NTNG1: variants seen among roughly 807,000 people sequenced by gnomAD.
NTNG1 encodes the protein netrin-G1.
A neutral mutation model predicts 54.0 loss-of-function variants in NTNG1; 16 were observed. That is an observed-to-expected ratio of 0.30 (90% CI 0.20 to 0.45). NTNG1 has a LOEUF of 0.45. NTNG1 is among the 20% of genes least tolerant of loss of function. The pLI is 1.00. For synonymous variants in NTNG1, 255 were observed against 263.1 expected, an observed-to-expected ratio of 0.97 and a Z score of 0.30; for missense variants, 530 against 678.7, an observed-to-expected ratio of 0.78 and a Z score of 2.43.
At chr1:107,146,497 C>T (rs1218613309) in intron 1 of NTNG1, among the ~76,000 whole-genome samples, 3 of 151,944 alleles carry the variant, frequency 2.0e-5, no homozygotes, top group South Asian at 4.1e-4. Context: ...GCTATAGTAG[C>T]CACAACACAT....
chr1:107,399,577 C>G (rs562660329), intron 4 of NTNG1, among the ~76,000 whole-genome samples: 1 of 152,222 alleles, frequency 6.6e-6, no homozygotes, highest in African/African-American at 2.4e-5. Flanking sequence ...TGTCCTTATC[C>G]AGACAATTTC....
chr1:107,365,198 A>G (rs924291447), intron 3 of NTNG1, among the ~76,000 whole-genome samples: 6 of 152,168 alleles, frequency 3.9e-5, no homozygotes, highest in African/African-American at 1.4e-4. Context: ...ATGGTTTTGG[A>G]CTATGGAGCA....
At chr1:107,361,159 T>C (rs1362302177) in intron 3 of NTNG1, among the ~76,000 whole-genome samples, 2 of 144,622 alleles carry the variant, frequency 1.4e-5, no homozygotes, top group East Asian at 3.9e-4. Context: ...ATATTTCTTA[T>C]ATAAAATATA....
intron 2 of NTNG1, among the ~76,000 whole-genome samples, chr1:107,240,303 C>T (rs1448683993): frequency 1.4e-5 from 2 of 147,582 alleles, no homozygotes; most frequent in South Asian, 2.1e-4. Context: ...TTACACATTA[C>T]GATATTTAGT....
chr1:107,354,913 C>T (rs1669848038), intron 3 of NTNG1, among the ~76,000 whole-genome samples: 1 of 152,102 alleles, frequency 6.6e-6, no homozygotes, highest in Non-Finnish European at 1.5e-5. Flanking sequence ...ATGGGTTTGA[C>T]ATTATATACC....
intron 2 of NTNG1, among the ~76,000 whole-genome samples, chr1:107,220,218 G>A (rs935083398): frequency 1.3e-5 from 2 of 152,208 alleles, no homozygotes; most frequent in African/African-American, 2.4e-5. Context: ...TCCGCCAACA[G>A]CACTGAGTTT....
At chr1:107,166,797 C>T (rs1296651176) in intron 2 of NTNG1, among the ~76,000 whole-genome samples, 1 of 152,014 alleles carries the variant, frequency 6.6e-6, no homozygotes, top group Non-Finnish European at 1.5e-5. Context: ...TGACCCTGGC[C>T]TTTGCCTATC....
At chr1:107,326,831 T>C (rs1230857725) in intron 3 of NTNG1, among the ~76,000 whole-genome samples, 1 of 152,156 alleles carries the variant, frequency 6.6e-6, no homozygotes, top group Admixed American at 6.6e-5. Flanking sequence ...TTAGTATTCA[T>C]TTTGTTTCCT....
chr1:107,171,916 GTTTTTTA>G (rs1656274515), intron 2 of NTNG1, among the ~76,000 whole-genome samples: 1 of 151,678 alleles, frequency 6.6e-6, no homozygotes, highest in Non-Finnish European at 1.5e-5. Flanking sequence ...GTTTTCCTTG[GTTTTTTA>G]TTTTTTATTT....
chr1:107,296,750 G>A (rs991028858), intron 2 of NTNG1, among the ~76,000 whole-genome samples: 2 of 146,816 alleles, frequency 1.4e-5, no homozygotes, highest in East Asian at 3.9e-4. Context: ...AATTATATAT[G>A]TATCATTCCA....
At chr1:107,345,659 TCACC>T (rs900625703) in intron 3 of NTNG1, among the ~76,000 whole-genome samples, 7 of 152,184 alleles carry the variant, frequency 4.6e-5, no homozygotes, top group Non-Finnish European at 8.8e-5. Flanking sequence ...AGTCTGAATG[TCACC>T]CACTGTATTT....
chr1:107,344,696 A>C (rs1669110852), intron 3 of NTNG1, among the ~76,000 whole-genome samples: 1 of 152,192 alleles, frequency 6.6e-6, no homozygotes, highest in Non-Finnish European at 1.5e-5. Context: ...GAGATACAAA[A>C]CAGAATTTCA....
chr1:107,480,810 G>A lies in NTNG1; in HGVS notation c.1590G>A (p.Leu530=). The A allele has an allele frequency of 1.3e-6, 2 of 1,573,722 alleles. No individual in the cohort carries two copies. Among genetic ancestry groups the A allele is most frequent in the Non-Finnish European group, 1.7e-6 (2 of 1,159,866 alleles). Reference sequence around the variant, plus strand: ...CAGCGCTGCTGCTGCTGACCACGCTGCTGGGAACCGCCAGCCCCCTGGTGT... The same window carrying A: ...CAGCGCTGCTGCTGCTGACCACGCTACTGGGAACCGCCAGCCCCCTGGTGT... ...GSPALLLLTT[L]LGTASPLVF The change falls in exon 8 of 8, where the codon CTG becomes CTA. Residue 530 remains leucine, a synonymous_variant. Transcript: ENST00000370068.
chr1:107,301,008 T>C lies in NTNG1; in HGVS notation c.247-23274T>C, dbSNP rs540435193. Reference sequence around the variant, plus strand: ...TTCTTTTTTTCTACCTAAAAGCTTATGACTTTTTGACATCAGTACTTTATT... The same window carrying C: ...TTCTTTTTTTCTACCTAAAAGCTTACGACTTTTTGACATCAGTACTTTATT... On this transcript the variant is annotated intron_variant, in intron 2 of 7. Coordinates refer to ENST00000370068, the MANE Select transcript of NTNG1 (RefSeq NM_001113226.3). Among the ~76,000 whole-genome samples the C allele has an allele frequency of 4.6e-5, 7 of 152,274 alleles. No individual in the cohort carries two copies. The East Asian group carries it at 1.4e-3, about 29-fold the overall frequency.
At chr1:107,399,687 A>T (rs1672897735) in intron 4 of NTNG1, among the ~76,000 whole-genome samples, 1 of 152,186 alleles carries the variant, frequency 6.6e-6, no homozygotes, top group African/African-American at 2.4e-5. Flanking sequence ...TTGTGATTTC[A>T]GAGGAAAAAG....
chr1:107,386,239 G>A (rs549680801), intron 3 of NTNG1, among the ~76,000 whole-genome samples: 1 of 148,862 alleles, frequency 6.7e-6, no homozygotes, highest in Non-Finnish European at 1.5e-5. Context: ...GCATGATCTC[G>A]GCTCACTGCA....
chr1:107,449,727 A>AG (rs1176734821), intron 7 of NTNG1, among the ~76,000 whole-genome samples: 1 of 151,658 alleles, frequency 6.6e-6, no homozygotes, highest in Non-Finnish European at 1.5e-5. Context: ...GATTAAAAAA[A>AG]AAAAAACCTT....
At chr1:107,358,414 T>A (rs1670069416) in intron 3 of NTNG1, among the ~76,000 whole-genome samples, 1 of 151,974 alleles carries the variant, frequency 6.6e-6, no homozygotes, top group Non-Finnish European at 1.5e-5. Context: ...AAATGGCCAC[T>A]TGCACATAGA....
chr1:107,275,837 G>A (rs958589208), intron 2 of NTNG1, among the ~76,000 whole-genome samples: 3 of 152,122 alleles, frequency 2.0e-5, no homozygotes, highest in Non-Finnish European at 4.4e-5. Context: ...TTGAGCAAAT[G>A]TCTCTGCACT....
Sources: gnomAD v4.1 joint callset for allele counts (sites outside exome capture counted in the v4.1 genomes callset) on GRCh38, gnomAD v4.1.1 for gene constraint, MANE v1.5 for transcripts, NCBI Gene and HGNC (gene_info 2026-07-23, HGNC 2026-07-21) for gene names.